Variants in SPON1 observed in about 807,000 individuals in gnomAD.
The protein encoded by SPON1 is spondin-1.
SPON1 carries 52 observed loss-of-function variants against 111.7 expected under a neutral mutation model. The observed-to-expected ratio is 0.47, with a 90% CI of 0.37 to 0.59. SPON1 has a LOEUF of 0.59. Among genes scored for constraint, SPON1 ranks in the 20% least tolerant of loss-of-function variants. The probability of loss-of-function intolerance (pLI) is 0.00; values close to 1 mark genes in which losing one functional copy is unlikely to be tolerated. For synonymous variants in SPON1, 410 were observed against 395.8 expected (o/e 1.04, Z -0.43); for missense variants, 957 against 1,068.5 (o/e 0.90, Z 1.46).
At chr11:14,038,978 G>GTAC (rs1848613883) in intron 2 of SPON1, among the ~76,000 whole-genome samples, 1 of 152,192 alleles carries the variant, frequency 6.6e-6, no homozygotes, top group Admixed American at 6.5e-5. Flanking sequence ...TGGATAAACT[G>GTAC]TGGTACTTTC....
intron 6 of SPON1, among the ~76,000 whole-genome samples, chr11:14,175,319 A>T (rs1364609553): frequency 6.6e-6 from 1 of 152,246 alleles, no homozygotes; most frequent in Non-Finnish European, 1.5e-5. Flanking sequence ...GGTGGAAATC[A>T]AAAGAAAGTA....
chr11:14,195,038 G>A (rs1442406176), intron 6 of SPON1, among the ~76,000 whole-genome samples: 2 of 152,124 alleles, frequency 1.3e-5, no homozygotes, highest in Non-Finnish European at 2.9e-5. Context: ...GTGAGCAAGT[G>A]GGGTGGAATG....
chr11:14,114,518 C>G (rs755100768), intron 5 of SPON1, among the ~76,000 whole-genome samples: 2 of 152,196 alleles, frequency 1.3e-5, no homozygotes, highest in African/African-American at 2.4e-5. Context: ...ACTCTTGGCT[C>G]CACATCCGTC....
intron 5 of SPON1, among the ~76,000 whole-genome samples, chr11:14,081,501 G>GT (rs1484406270): frequency 6.6e-6 from 1 of 152,076 alleles, no homozygotes; most frequent in East Asian, 1.9e-4. Flanking sequence ...ACATTGAGAT[G>GT]TAAGTAATGG....
At chr11:14,245,119 G>C (rs190194715) in intron 7 of SPON1, among the ~76,000 whole-genome samples, 2 of 152,316 alleles carry the variant, frequency 1.3e-5, no homozygotes, top group African/African-American at 4.8e-5. Flanking sequence ...CTCAGTGGGA[G>C]AAAAGGCGAA....
chr11:14,239,440 G>GT (rs559653942), intron 6 of SPON1, among the ~76,000 whole-genome samples: 1 of 152,104 alleles, frequency 6.6e-6, no homozygotes, highest in Non-Finnish European at 1.5e-5. Flanking sequence ...AAAAAACAGA[G>GT]TTTGGCAGGG....
intron 2 of SPON1, among the ~76,000 whole-genome samples, chr11:13,994,228 C>G (rs1345881574): frequency 6.6e-6 from 1 of 152,140 alleles, no homozygotes; most frequent in African/African-American, 2.4e-5. Flanking sequence ...TTACACTAAC[C>G]TAAGCTTAAT....
chr11:14,013,151 G>C (rs1969541), intron 2 of SPON1, among the ~76,000 whole-genome samples: 1 of 151,994 alleles, frequency 6.6e-6, no homozygotes, highest in Admixed American at 6.6e-5. Context: ...GCTGGGAATA[G>C]AGATCCAGGC....
Position 13,983,786 on chromosome 11 carries a change from C to T in SPON1, c.345+833C>T, listed in dbSNP as rs114995016. ...CTCAGATTTCCATTGTTCTGGAATT[C>T]ATTTTTATCTGGCATTTGCAAATTA... is the stretch of plus-strand genomic sequence containing the variant. On this transcript the variant is annotated intron_variant, in intron 2 of 15. Coordinates refer to ENST00000576479, the MANE Select transcript of SPON1 (RefSeq NM_006108.4). 7.2e-3 allele frequency among the ~76,000 whole-genome samples: 1,094 copies of T among 152,260 alleles called. 18 individuals are homozygous for T. Among genetic ancestry groups the T allele is most frequent in the African/African-American group, 0.025 (1,028 of 41,550 alleles).
intron 2 of SPON1, among the ~76,000 whole-genome samples, chr11:14,039,475 T>G (rs782017761): frequency 4.6e-5 from 7 of 152,134 alleles, no homozygotes; most frequent in Non-Finnish European, 1.0e-4. Flanking sequence ...GGGATAACCC[T>G]GTACTTTCCA....
chr11:14,055,384 G>A (rs1463552917), intron 3 of SPON1, among the ~76,000 whole-genome samples: 3 of 152,120 alleles, frequency 2.0e-5, no homozygotes, highest in Non-Finnish European at 2.9e-5. Context: ...TTCTAGTGCC[G>A]GAGGATCCTC....
chr11:14,223,839 A>C (rs1316847989), intron 6 of SPON1, among the ~76,000 whole-genome samples: 1 of 152,258 alleles, frequency 6.6e-6, no homozygotes, highest in Non-Finnish European at 1.5e-5. Flanking sequence ...CCAAGTGACA[A>C]GAATTAAATG....
chr11:14,258,012 C>T, intron 11 of SPON1, 114 bp downstream of exon 11: 1 of 996,660 alleles, frequency 1.0e-6, no homozygotes, highest in Non-Finnish European at 1.4e-6. Flanking sequence ...CAGTAGATGT[C>T]AGTGGGGTCC....
At chr11:14,082,621 A>G (rs1414279580) in intron 5 of SPON1, among the ~76,000 whole-genome samples, 12 of 152,308 alleles carry the variant, frequency 7.9e-5, no homozygotes, top group African/African-American at 2.9e-4. Context: ...AGTATGGAGG[A>G]GAGTGTGAGT....
intron 6 of SPON1, among the ~76,000 whole-genome samples, chr11:14,210,358 T>C (rs1241296648): frequency 5.9e-5 from 9 of 151,486 alleles, no homozygotes; most frequent in African/African-American, 1.9e-4. Flanking sequence ...CTGAATAGTA[T>C]AGGTTTTCTT....
chr11:13,973,645 G>A (rs1848080326), intron 1 of SPON1, among the ~76,000 whole-genome samples: 1 of 152,166 alleles, frequency 6.6e-6, no homozygotes. Context: ...TTTCACAGAG[G>A]AGACTGATTT....
intron 6 of SPON1, among the ~76,000 whole-genome samples, chr11:14,142,710 T>C (rs534400471): frequency 1.3e-5 from 2 of 152,292 alleles, no homozygotes; most frequent in South Asian, 4.1e-4. Flanking sequence ...GGGGCAGAAA[T>C]GTGGCTCCCA....
chr11:14,260,386 TGAAA>T (rs1849158292), intron 13 of SPON1, among the ~76,000 whole-genome samples, 198 bp from the exon 14 acceptor site: 1 of 152,038 alleles, frequency 6.6e-6, no homozygotes, highest in South Asian at 2.1e-4. Context: ...AGCAGGGAGA[TGAAA>T]GAGAGTGAAA....
At chr11:13,992,566 A>G (rs1848239474) in intron 2 of SPON1, among the ~76,000 whole-genome samples, 1 of 152,054 alleles carries the variant, frequency 6.6e-6, no homozygotes, top group African/African-American at 2.4e-5. Context: ...CGGGGGGTGA[A>G]CGGTTCTGTC....
Sources: allele counts gnomAD v4.1 joint callset (sites outside exome capture counted in the v4.1 genomes callset), GRCh38; gene constraint gnomAD v4.1.1; transcripts MANE v1.5; gene names NCBI Gene and HGNC (gene_info 2026-07-23, HGNC 2026-07-21).